Variants in ODAD4 observed in about 807,000 individuals in gnomAD.
The protein encoded by ODAD4 is outer dynein arm-docking complex subunit 4.
A neutral mutation model predicts 51.8 loss-of-function variants in ODAD4; 49 were observed. That is an observed-to-expected ratio of 0.95 (90% CI 0.75 to 1.20). The LOEUF (loss-of-function observed/expected upper bound fraction) is 1.20, where lower values mean the gene tolerates loss of function less well. ODAD4 is among the 50% of genes most tolerant of loss of function. The pLI, the probability that ODAD4 is intolerant of heterozygous loss-of-function variation, is 0.00. For missense variants in ODAD4, 590 were observed against 586.5 expected (o/e 1.01, Z -0.06); for synonymous variants, 235 against 221.3 (o/e 1.06, Z -0.55).
intron 4 of ODAD4, 72 bp downstream of exon 4, chr17:41,936,606 G>A (rs1158304567): frequency 9.9e-6 from 15 of 1,519,918 alleles, no homozygotes; most frequent in Non-Finnish European, 1.2e-5. Context: ...GGGGTCTTGG[G>A]AGTCTAGCTG....
intron 11 of ODAD4, among the ~76,000 whole-genome samples, chr17:41,963,431 G>A (rs1465646270): frequency 6.6e-6 from 1 of 152,046 alleles, no homozygotes. Flanking sequence ...TATTTTCATA[G>A]GAAACCTCCC....
At chr17:41,956,005 G>A (rs1202996664) in intron 10 of ODAD4, among the ~76,000 whole-genome samples, 1 of 149,326 alleles carries the variant, frequency 6.7e-6, no homozygotes, top group African/African-American at 2.5e-5. Flanking sequence ...ACCCTCCTCA[G>A]CCTCCCAATG....
At position 41,934,426 on chromosome 17, in the gene ODAD4, A is replaced by AT. The variant is rs1555637409; in HGVS notation, c.115-790dup. On this transcript the variant is annotated intron_variant, in intron 1 of 11. Coordinates refer to ENST00000377540, the MANE Select transcript of ODAD4 (RefSeq NM_031421.5). ...GAGTGCAGTGGTGTGATCATGGCTTATGCAGCCTCGACCTCTCCAGGTTCA... is the reference window on the plus strand; with the variant it reads ...GAGTGCAGTGGTGTGATCATGGCTTATTGCAGCCTCGACCTCTCCAGGTTCA... Among the ~76,000 whole-genome samples the AT allele has an allele frequency of 7.2e-5, 11 of 151,964 alleles. No individual in the cohort carries two copies. The East Asian group carries it at 1.9e-3, about 27-fold the overall frequency.
chr17:41,936,570 G>C (rs1598071489), intron 4 of ODAD4, 36 bp downstream of exon 4: 1 of 1,590,012 alleles, frequency 6.3e-7, no homozygotes, highest in African/African-American at 1.3e-5. Flanking sequence ...ATCCCTCCAA[G>C]GGAAGAGGCT....
intron 8 of ODAD4, among the ~76,000 whole-genome samples, chr17:41,945,477 A>C (rs566749988): frequency 6.6e-6 from 1 of 152,006 alleles, no homozygotes; most frequent in South Asian, 2.1e-4. Flanking sequence ...ACACTACTGC[A>C]CTCCAGCCTA....
intron 11 of ODAD4, among the ~76,000 whole-genome samples, chr17:41,963,580 G>C (rs782166342): frequency 6.6e-6 from 1 of 152,060 alleles, no homozygotes; most frequent in African/African-American, 2.4e-5. Flanking sequence ...GACTGTCCTG[G>C]GTTCAAATTC....
At chr17:41,953,668 TAG>T (rs781894882) in intron 9 of ODAD4, among the ~76,000 whole-genome samples, 7 of 145,092 alleles carry the variant, frequency 4.8e-5, no homozygotes, top group South Asian at 2.2e-4. Flanking sequence ...TATATATATA[TAG>T]AGAGAGAGAG....
intron 7 of ODAD4, among the ~76,000 whole-genome samples, chr17:41,943,873 G>A (rs1217848256): frequency 6.6e-6 from 1 of 152,158 alleles, no homozygotes; most frequent in Non-Finnish European, 1.5e-5. Context: ...GTTTAAGGCT[G>A]CAGGGAACTA....
intron 11 of ODAD4, among the ~76,000 whole-genome samples, chr17:41,963,317 A>T (rs1222594594): frequency 6.6e-6 from 1 of 152,210 alleles, no homozygotes; most frequent in Non-Finnish European, 1.5e-5. Context: ...AAAAAAATTT[A>T]GGAGCAAGGA....
Position 41,930,853 on chromosome 17 carries a change from A to C in ODAD4, c.114+16A>C, listed in dbSNP as rs2050319510. On this transcript the variant is annotated intron_variant, in intron 1 of 11. Coordinates refer to ENST00000377540, the MANE Select transcript of ODAD4 (RefSeq NM_031421.5). ...CTTCAGCAACGTGAGTCGAGCTCTC[A>C]ACCTATCCATCACCCCATCACCCGT... The C allele has an allele frequency of 8.3e-7, 1 of 1,202,058 alleles. No homozygotes were observed. Among genetic ancestry groups the C allele is most frequent in the Non-Finnish European group, 1.2e-6 (1 of 843,620 alleles). The allele number at this position is 1,202,058 out of a possible 1,614,324, so 74.5% of individuals were successfully genotyped here.
intron 5 of ODAD4, 93 bp from the exon 6 acceptor site, chr17:41,938,464 A>G (rs1555638156): frequency 1.0e-6 from 1 of 989,360 alleles, no homozygotes. Flanking sequence ...GCAAGTTCAC[A>G]GAGGGCCCTG....
At chr17:41,953,701 T>G (rs1002393514) in intron 9 of ODAD4, among the ~76,000 whole-genome samples, 68 of 151,892 alleles carry the variant, frequency 4.5e-4, no homozygotes, top group African/African-American at 1.5e-3. Flanking sequence ...AGGGTCTCAC[T>G]CTGTCACCCA....
In ODAD4 at chr17:41,939,004, C is replaced by T; in HGVS notation, c.890C>T (p.Ala297Val). The T allele has an allele frequency of 1.2e-6, 2 of 1,612,578 alleles. No individual in the cohort carries two copies. Among genetic ancestry groups the T allele is most frequent in the Non-Finnish European group, 8.5e-7 (1 of 1,179,236 alleles). Residue 297 changes from alanine to valine, a missense_variant, in exon 7 of 12, where the codon GCT becomes GTT. Ala to Val is a moderately conservative substitution (Grantham distance 64, BLOSUM62 0). Coordinates refer to ENST00000377540, the MANE Select transcript of ODAD4 (RefSeq NM_031421.5). ...SGSAEGSLQK[A>V]EKVLKKVLEW... Reference sequence around the variant, plus strand: ...AGTGCTGAAGGGAGTCTTCAGAAAGCTGAGAAAGTGCTGAAGAAGGTACTG... The same window carrying T: ...AGTGCTGAAGGGAGTCTTCAGAAAGTTGAGAAAGTGCTGAAGAAGGTACTG...
chr17:41,955,421 TTTTG>T (rs781853830), intron 10 of ODAD4, 104 bp downstream of exon 10: 13 of 642,924 alleles, frequency 2.0e-5, no homozygotes, highest in African/African-American at 5.5e-5. Context: ...ACAGCCGTTT[TTTTG>T]TTTGTTTGTT....
chr17:41,946,157 G>A (rs1453308019), intron 8 of ODAD4, among the ~76,000 whole-genome samples: 1 of 152,200 alleles, frequency 6.6e-6, no homozygotes, highest in Non-Finnish European at 1.5e-5. Context: ...CCTCTCACCA[G>A]TGGAGTGCCC....
At chr17:41,956,853 G>T (rs1179344695) in intron 10 of ODAD4, among the ~76,000 whole-genome samples, 1 of 152,144 alleles carries the variant, frequency 6.6e-6, no homozygotes, top group Admixed American at 6.6e-5. Flanking sequence ...AAAGTGCTGG[G>T]ATTACAGGCA....
At chr17:41,936,958 G>C in intron 5 of ODAD4, 31 bp downstream of exon 5, 1 of 1,608,226 alleles carries the variant, frequency 6.2e-7, no homozygotes, top group South Asian at 1.1e-5. Context: ...ACGGGGCCTT[G>C]GGGGAAAGGA....
At chr17:41,946,084 T>C (rs527566182) in intron 8 of ODAD4, among the ~76,000 whole-genome samples, 1 of 152,320 alleles carries the variant, frequency 6.6e-6, no homozygotes, top group East Asian at 1.9e-4. Flanking sequence ...CTCCTTACCC[T>C]TGGGAGGTGA....
chr17:41,942,174 G>A (rs147511122), intron 7 of ODAD4, among the ~76,000 whole-genome samples: 2 of 152,266 alleles, frequency 1.3e-5, no homozygotes, highest in African/African-American at 4.8e-5. Context: ...GACCTCAGGT[G>A]ATCCGCCCAC....
Sources: gnomAD v4.1 joint callset for allele counts (sites outside exome capture counted in the v4.1 genomes callset) on GRCh38, gnomAD v4.1.1 for gene constraint, MANE v1.5 for transcripts, NCBI Gene and HGNC (gene_info 2026-07-23, HGNC 2026-07-21) for gene names.